Variants in GRIN2B observed in about 807,000 individuals in gnomAD.
The protein encoded by GRIN2B is glutamate ionotropic receptor NMDA type subunit 2B.
Under a neutral mutation model 114.5 loss-of-function variants are expected in GRIN2B, and 5 were observed. That is an observed-to-expected ratio of 0.04 (90% CI 0.02 to 0.09). The LOEUF (loss-of-function observed/expected upper bound fraction) is 0.09, where lower values mean the gene tolerates loss of function less well. Among genes scored for constraint, GRIN2B ranks in the 10% least tolerant of loss-of-function variants. GRIN2B has a pLI of 1.00. For missense variants in GRIN2B, 1,108 were observed against 1,943.5 expected (o/e 0.57, Z 8.08); for synonymous variants, 787 against 745.1 (o/e 1.06, Z -0.92).
chr12:13,814,724 T>A (rs553066697), intron 3 of GRIN2B, among the ~76,000 whole-genome samples: 204 of 152,242 alleles, frequency 1.3e-3, no homozygotes, highest in Non-Finnish European at 2.6e-3. Flanking sequence ...AATGGTCTCA[T>A]GTGACTATGG....
chr12:13,695,293 C>T (rs1302333513), intron 4 of GRIN2B, among the ~76,000 whole-genome samples: 1 of 152,342 alleles, frequency 6.6e-6, no homozygotes, highest in African/African-American at 2.4e-5. Flanking sequence ...TGGCCTGCCA[C>T]TGTCATATCT....
intron 4 of GRIN2B, among the ~76,000 whole-genome samples, chr12:13,728,536 G>T (rs1026687878): frequency 6.6e-6 from 1 of 152,122 alleles, no homozygotes; most frequent in African/African-American, 2.4e-5. Flanking sequence ...CTTCAGAGAC[G>T]ATTTTTAAGA....
intron 4 of GRIN2B, among the ~76,000 whole-genome samples, chr12:13,718,603 G>GA (rs1240009648): frequency 6.6e-6 from 1 of 151,910 alleles, no homozygotes. Flanking sequence ...AACTGGAGGT[G>GA]AAAAAAATGT....
chr12:13,716,256 C>T (rs1048091385), intron 4 of GRIN2B, among the ~76,000 whole-genome samples: 4 of 151,734 alleles, frequency 2.6e-5, no homozygotes, highest in African/African-American at 7.3e-5. Context: ...TAGGGTGATG[C>T]AATAGGAAAT....
intron 2 of GRIN2B, among the ~76,000 whole-genome samples, chr12:13,882,823 G>T (rs1365707063): frequency 1.3e-5 from 2 of 152,156 alleles, no homozygotes; most frequent in East Asian, 3.9e-4. Flanking sequence ...AGTTCTATAG[G>T]TTTTTGACAA....
intron 3 of GRIN2B, among the ~76,000 whole-genome samples, chr12:13,775,676 C>A (rs1275657957): frequency 6.6e-6 from 1 of 152,164 alleles, no homozygotes; most frequent in African/African-American, 2.4e-5. Context: ...TTCCCACTCT[C>A]ATAAGCAGTA....
chr12:13,694,502 A>G (rs1024751365), intron 4 of GRIN2B, among the ~76,000 whole-genome samples: 1 of 151,552 alleles, frequency 6.6e-6, no homozygotes, highest in African/African-American at 2.4e-5. Flanking sequence ...CATGTTACAG[A>G]TGAGGAAACT....
intron 3 of GRIN2B, among the ~76,000 whole-genome samples, chr12:13,765,067 T>C (rs940945006): frequency 6.6e-6 from 1 of 152,234 alleles, no homozygotes; most frequent in Non-Finnish European, 1.5e-5. Context: ...CAACTGTGAA[T>C]TCTGATCCAT....
intron 5 of GRIN2B, among the ~76,000 whole-genome samples, chr12:13,658,110 G>C (rs1949884854): frequency 1.3e-5 from 2 of 151,932 alleles, no homozygotes; most frequent in South Asian, 4.2e-4. Flanking sequence ...GGGAGGCTGA[G>C]GCAGGAGAAT....
intron 10 of GRIN2B, among the ~76,000 whole-genome samples, chr12:13,592,979 T>C (rs1044984910): frequency 6.6e-6 from 1 of 152,226 alleles, no homozygotes; most frequent in African/African-American, 2.4e-5. Context: ...CCACTTTACA[T>C]GGGTCATGAA....
At chr12:13,677,948 G>A (rs760777396) in intron 4 of GRIN2B, among the ~76,000 whole-genome samples, 1 of 152,096 alleles carries the variant, frequency 6.6e-6, no homozygotes, top group Non-Finnish European at 1.5e-5. Context: ...ACAAGCACAA[G>A]GAGGTTAAAT....
At position 13,971,684 on chromosome 12, in the gene GRIN2B, GT is replaced by G. The variant is rs559698322; in HGVS notation, c.-19+8243del. ...CACTGTTACAAAGGACCGAAATGAG[GT>G]TTTTTCTCCGAAACAAGAAATGGGG... On this transcript the variant is annotated intron_variant, in intron 2 of 13. Coordinates refer to ENST00000609686, the MANE Select transcript of GRIN2B (RefSeq NM_000834.5). Among the ~76,000 whole-genome samples, 4 of 152,260 alleles carry G rather than the reference GT, an allele frequency of 2.6e-5. No homozygotes were observed. In the East Asian group the frequency reaches 7.7e-4, roughly 29 times the overall value.
chr12:13,692,197 G>A (rs1340044492), intron 4 of GRIN2B, among the ~76,000 whole-genome samples: 1 of 152,106 alleles, frequency 6.6e-6, no homozygotes, highest in Non-Finnish European at 1.5e-5. Flanking sequence ...GGCTTCAGGA[G>A]GGGTAACAAA....
intron 3 of GRIN2B, among the ~76,000 whole-genome samples, chr12:13,828,335 C>G (rs1007027739): frequency 3.9e-5 from 6 of 152,142 alleles, no homozygotes; most frequent in Non-Finnish European, 8.8e-5. Flanking sequence ...GGCCTCTGGC[C>G]CAGTGGGAAT....
chr12:13,827,720 C>T (rs957443453), intron 3 of GRIN2B, among the ~76,000 whole-genome samples: 11 of 151,858 alleles, frequency 7.2e-5, no homozygotes, highest in Non-Finnish European at 1.3e-4. Context: ...TTCACTCTGT[C>T]GCCCAGGGTG....
intron 4 of GRIN2B, among the ~76,000 whole-genome samples, chr12:13,751,876 A>G (rs1863489714): frequency 6.6e-6 from 1 of 152,210 alleles, no homozygotes; most frequent in Admixed American, 6.5e-5. Context: ...TAAGGGATGC[A>G]TAAAACAGGA....
In GRIN2B at chr12:13,563,958, C is replaced by T; in HGVS notation, c.3280G>A (p.Ala1094Thr). ...QYKDSLKKRP[A>T]SAKSRREFDE... ...AACTCCCTGCGGGACTTGGCCGAGG[C>T]AGGCCGCTTCTTCAGGCTGTCCTTA... The change falls in exon 14 of 14, where the codon GCC becomes ACC. Residue 1094 changes from alanine to threonine, a missense_variant. This residue lies in a region of GRIN2B where 19 missense variants were observed against 62.0 expected (regional missense o/e 0.31). Transcript: ENST00000609686. The T allele has an allele frequency of 6.2e-7, 1 of 1,614,220 alleles. No homozygotes were observed. Among genetic ancestry groups the T allele is most frequent in the Non-Finnish European group, 8.5e-7 (1 of 1,180,036 alleles).
intron 3 of GRIN2B, among the ~76,000 whole-genome samples, chr12:13,804,100 T>G (rs1256786854): frequency 6.6e-6 from 1 of 152,092 alleles, no homozygotes; most frequent in Non-Finnish European, 1.5e-5. Flanking sequence ...AGTATAAACC[T>G]GCCAACTTTT....
intron 3 of GRIN2B, among the ~76,000 whole-genome samples, chr12:13,812,966 G>T (rs1285898185): frequency 4.2e-5 from 5 of 117,674 alleles, no homozygotes; most frequent in African/African-American, 1.4e-4. Context: ...ACAGAGTATT[G>T]CTGTCTCTCC....
Sources: allele counts gnomAD v4.1 joint callset (sites outside exome capture counted in the v4.1 genomes callset), GRCh38; gene constraint gnomAD v4.1.1; regional missense constraint gnomAD v4.1.1; transcripts MANE v1.5; gene names NCBI Gene and HGNC (gene_info 2026-07-23, HGNC 2026-07-21).